SNTG2: variants seen among roughly 807,000 people sequenced by gnomAD.
SNTG2 encodes syntrophin gamma 2, also known as gamma-2-syntrophin.
Under a neutral mutation model 70.9 loss-of-function variants are expected in SNTG2, and 74 were observed. That is an observed-to-expected ratio of 1.04 (90% CI 0.86 to 1.27). SNTG2 has a LOEUF of 1.27. SNTG2 is among the 50% of genes most tolerant of loss of function. The pLI is 0.00. For missense variants in SNTG2, 717 were observed against 690.7 expected, an observed-to-expected ratio of 1.04 and a Z score of -0.43; for synonymous variants, 278 against 273.8, an observed-to-expected ratio of 1.02 and a Z score of -0.15.
At chr2:1,171,340 TCTG>T (rs1366163010) in intron 7 of SNTG2, among the ~76,000 whole-genome samples, 1 of 152,230 alleles carries the variant, frequency 6.6e-6, no homozygotes, top group Non-Finnish European at 1.5e-5. Context: ...GTGGCTTGGA[TCTG>T]CTGCCATTAG....
chr2:960,342 C>G (rs1320762013), intron 1 of SNTG2, among the ~76,000 whole-genome samples: 2 of 152,250 alleles, frequency 1.3e-5, no homozygotes, highest in Non-Finnish European at 2.9e-5. Context: ...AGAGCTCGGG[C>G]TGCCTGTTCT....
intron 6 of SNTG2, among the ~76,000 whole-genome samples, chr2:1,154,738 G>A (rs1669739344): frequency 6.6e-6 from 1 of 151,978 alleles, no homozygotes; most frequent in Non-Finnish European, 1.5e-5. Context: ...CCCTATTTAA[G>A]GAAAATGGAC....
At chr2:1,205,693 G>T (rs999501312) in intron 8 of SNTG2, among the ~76,000 whole-genome samples, 4 of 152,278 alleles carry the variant, frequency 2.6e-5, no homozygotes, top group African/African-American at 9.6e-5. Context: ...TGCCAGTACA[G>T]GCTCCCCCTC....
chr2:992,170 G>A (rs1661519383), intron 1 of SNTG2, among the ~76,000 whole-genome samples: 1 of 152,134 alleles, frequency 6.6e-6, no homozygotes, highest in African/African-American at 2.4e-5. Flanking sequence ...GAACTGAAAA[G>A]CACACATTTG....
chr2:958,152 A>G (rs1165504817), intron 1 of SNTG2, among the ~76,000 whole-genome samples: 1 of 152,200 alleles, frequency 6.6e-6, no homozygotes, highest in South Asian at 2.1e-4. Context: ...TGTGGTCCGC[A>G]TGGTGGCTGC....
At chr2:981,956 A>G (rs1572188081) in intron 1 of SNTG2, among the ~76,000 whole-genome samples, 1 of 152,198 alleles carries the variant, frequency 6.6e-6, no homozygotes, top group Non-Finnish European at 1.5e-5. Flanking sequence ...ACATGTCCAC[A>G]CAGATGTACA....
At chr2:1,350,657 T>C (rs1573015568) in intron 16 of SNTG2, among the ~76,000 whole-genome samples, 1 of 152,152 alleles carries the variant, frequency 6.6e-6, no homozygotes, top group African/African-American at 2.4e-5. Flanking sequence ...TGATGAATGT[T>C]GACGATGGAA....
chr2:1,296,406 C>T (rs1680218165), intron 14 of SNTG2, among the ~76,000 whole-genome samples: 1 of 152,230 alleles, frequency 6.6e-6, no homozygotes, highest in Admixed American at 6.5e-5. Context: ...GCAGAATGTT[C>T]CCAAGGTGCC....
intron 6 of SNTG2, among the ~76,000 whole-genome samples, chr2:1,157,215 G>C (rs1045210347): frequency 6.6e-6 from 1 of 152,172 alleles, no homozygotes; most frequent in Admixed American, 6.5e-5. Context: ...CACCAGTGCT[G>C]ATCCACTGGA....
intron 1 of SNTG2, among the ~76,000 whole-genome samples, chr2:971,130 T>C (rs952676980): frequency 1.3e-5 from 2 of 152,224 alleles, no homozygotes; most frequent in African/African-American, 4.8e-5. Flanking sequence ...TGTCTGTTGG[T>C]ATTGGAATGA....
intron 2 of SNTG2, among the ~76,000 whole-genome samples, chr2:1,091,811 C>G (rs1348797604): frequency 1.3e-5 from 2 of 152,150 alleles, no homozygotes; most frequent in African/African-American, 2.4e-5. Flanking sequence ...GATTTAACAT[C>G]CAAATTAAGC....
chr2:1,287,442 G>A (rs564600241), intron 14 of SNTG2, among the ~76,000 whole-genome samples: 49 of 152,050 alleles, frequency 3.2e-4, no homozygotes, highest in Non-Finnish European at 6.5e-4. Context: ...GTTTCTAAAC[G>A]TGTTCACCAC....
At chr2:1,124,717 G>C (rs1219415908) in intron 4 of SNTG2, among the ~76,000 whole-genome samples, 5 of 152,150 alleles carry the variant, frequency 3.3e-5, no homozygotes, top group African/African-American at 1.2e-4. Context: ...CCTCACTTAT[G>C]GGTGGAACCT....
intron 2 of SNTG2, among the ~76,000 whole-genome samples, chr2:1,087,343 A>G (rs1408350393): frequency 1.3e-5 from 2 of 152,292 alleles, no homozygotes; most frequent in East Asian, 1.9e-4. Flanking sequence ...TCTGTCCTAT[A>G]GGAAGGCTTT....
At chr2:1,080,594 A>G (rs1664222945) in intron 1 of SNTG2, among the ~76,000 whole-genome samples, 1 of 138,432 alleles carries the variant, frequency 7.2e-6, no homozygotes, top group Non-Finnish European at 1.5e-5. Flanking sequence ...GTGTGGAGGT[A>G]TGCATGTAGG....
At chr2:1,134,682 G>C (rs1160186447) in intron 4 of SNTG2, among the ~76,000 whole-genome samples, 1 of 152,168 alleles carries the variant, frequency 6.6e-6, no homozygotes, top group Non-Finnish European at 1.5e-5. Context: ...TCCCCCACCG[G>C]GGCTGCAGGT....
chr2:1,140,029 T>G (rs1240289726), intron 6 of SNTG2, among the ~76,000 whole-genome samples: 3 of 152,122 alleles, frequency 2.0e-5, no homozygotes, highest in African/African-American at 7.2e-5. Flanking sequence ...ATGCATAAAG[T>G]TCATTAAAAT....
intron 6 of SNTG2, among the ~76,000 whole-genome samples, chr2:1,164,475 G>A (rs1402588280): frequency 1.9e-5 from 2 of 108,022 alleles, no homozygotes; most frequent in Non-Finnish European, 3.8e-5. Flanking sequence ...ACGAGAGGGC[G>A]GGGTGGGATA....
At chr2:1,173,393 T>G (rs187087951) in intron 8 of SNTG2, among the ~76,000 whole-genome samples, 1 of 152,328 alleles carries the variant, frequency 6.6e-6, no homozygotes. Flanking sequence ...TATAGGATAT[T>G]TTAAGTTCAT....
Sources: allele counts gnomAD v4.1 joint callset (sites outside exome capture counted in the v4.1 genomes callset), GRCh38; gene constraint gnomAD v4.1.1; transcripts MANE v1.5; gene names NCBI Gene and HGNC (gene_info 2026-07-23, HGNC 2026-07-21).